The following BRPF3 variants were observed in gnomAD, a reference collection of about 807,000 sequenced individuals.
BRPF3 encodes the protein bromodomain and PHD finger-containing protein 3.
A neutral mutation model predicts 102.0 loss-of-function variants in BRPF3; 18 were observed. That is an observed-to-expected ratio of 0.18 (90% CI 0.12 to 0.26). BRPF3 has a LOEUF of 0.26. Among genes scored for constraint, BRPF3 ranks in the 10% least tolerant of loss-of-function variants. BRPF3 has a pLI of 1.00. For synonymous variants in BRPF3, 570 were observed against 614.2 expected (o/e 0.93, Z 1.06); for missense variants, 1,147 against 1,567.8 (o/e 0.73, Z 4.53).
chr6:36,218,656 A>G (rs1283241076), intron 9 of BRPF3, among the ~76,000 whole-genome samples: 1 of 151,836 alleles, frequency 6.6e-6, no homozygotes, highest in East Asian at 1.9e-4. Flanking sequence ...ATGAGGTTTC[A>G]CCATGTTGGC....
Position 36,230,259 on chromosome 6 carries a change from C to T in BRPF3, c.3435-167C>T, listed in dbSNP as rs1372166775. Among the ~76,000 whole-genome samples the T allele has an allele frequency of 2.0e-5, 3 of 152,072 alleles. No individual in the cohort carries two copies. Among genetic ancestry groups the T allele is most frequent in the South Asian group, 4.2e-4 (2 of 4,818 alleles). ...TCCTGCATATCCTGCTTGCTGTCCT[C>T]ACCTGCTAGGTTCTTGGTGGCCTCC... On this transcript the variant is annotated intron_variant, in intron 12 of 12. Transcript: ENST00000357641. The surrounding 1 kb of genome is among the most constrained non-coding windows in gnomAD (Gnocchi z 5.4).
rs1454701556 is a variant in BRPF3, at chr6:36,201,063, A to G, written c.741A>G (p.Pro247=). The change falls in exon 2 of 13, where the codon CCA becomes CCG. Residue 247 remains proline (P), a synonymous_variant. Transcript: ENST00000357641. The surrounding 1 kb of genome is among the most constrained non-coding windows in gnomAD (Gnocchi z 5.1). ...TACACCAGGAGTGCTATGGCGTCCC[A>G]TACATCCCTGAGGGCCAGTGGCTAT... ...LAVHQECYGV[P]YIPEGQWLCR... 9.9e-6 allele frequency: 16 copies of G among 1,613,948 alleles called. No individual in the cohort carries two copies. Among genetic ancestry groups the G allele is most frequent in the Admixed American group, 1.7e-5 (1 of 59,996 alleles).
chr6:36,206,118 C>T (rs988905754), intron 3 of BRPF3, among the ~76,000 whole-genome samples: 2 of 152,234 alleles, frequency 1.3e-5, no homozygotes, highest in African/African-American at 4.8e-5. Flanking sequence ...CCTGCTCATC[C>T]ATGCCCTCTT....
At chr6:36,216,626 G>A (rs1768337926) in intron 8 of BRPF3, among the ~76,000 whole-genome samples, 1 of 152,212 alleles carries the variant, frequency 6.6e-6, no homozygotes, top group Admixed American at 6.5e-5. Flanking sequence ...GGAGGGACTT[G>A]CCTCACAGTT....
Position 36,210,672 on chromosome 6 carries a change from C to T in BRPF3, c.2179+144C>T, listed in dbSNP as rs779278956. 3.4e-5 allele frequency: 24 copies of T among 716,112 alleles called. No individual in the cohort carries two copies. The highest frequency in any genetic ancestry group is 5.0e-5 in the Non-Finnish European group (22 of 440,668). 44.4% of individuals were successfully genotyped at this position (716,112 alleles called of 1,614,324 possible). On this transcript the variant is annotated intron_variant, in intron 6 of 12. Transcript: ENST00000357641. The surrounding 1 kb of genome is among the most constrained non-coding windows in gnomAD (Gnocchi z 4.7). ...GAGGGTGAGCACAGACTGAGGTATA[C>T]CTTTGTGGCTAGAATAGTTCTAAGG...
chr6:36,218,658 C>T (rs1362264582), intron 9 of BRPF3, among the ~76,000 whole-genome samples: 2 of 152,052 alleles, frequency 1.3e-5, no homozygotes, highest in African/African-American at 2.4e-5. Context: ...GAGGTTTCAC[C>T]ATGTTGGCCA....
intron 3 of BRPF3, 77 bp downstream of exon 3, chr6:36,204,891 T>A: frequency 6.5e-7 from 1 of 1,549,352 alleles, no homozygotes; most frequent in Non-Finnish European, 8.8e-7. Context: ...GGGGTGGGGC[T>A]GGCACCCCTT....
At position 36,200,369 on chromosome 6, in the gene BRPF3, G is replaced by T; in HGVS notation, c.47G>T (p.Arg16Leu). The change falls in exon 2 of 13, where the codon CGT becomes CTT. Residue 16 changes from arginine to leucine, a missense_variant. Physicochemically the swap from Arg to Leu is moderately radical, Grantham distance 102 (BLOSUM62 -2). Transcript: ENST00000357641. This position sits in a 1 kb window ranked among gnomAD's most constrained non-coding sequence, Gnocchi z 5.3. ...RKSRQNAEGRRSPSPYSLKCS... is the reference protein window; with the variant it reads ...RKSRQNAEGRLSPSPYSLKCS... ...TCCCGGCAGAATGCCGAGGGCCGGC[G>T]TTCCCCGTCCCCCTACAGTCTCAAG... 1 of 1,614,186 alleles carries T rather than the reference G, an allele frequency of 6.2e-7. No homozygotes were observed. The highest frequency in any genetic ancestry group is 8.5e-7 in the Non-Finnish European group (1 of 1,180,016).
chr6:36,227,714 CT>C (rs1418024420), intron 11 of BRPF3, among the ~76,000 whole-genome samples: 3 of 152,282 alleles, frequency 2.0e-5, no homozygotes, highest in African/African-American at 7.2e-5. Flanking sequence ...CCTTAAGACC[CT>C]TTACTTCAAT....
Position 36,214,363 on chromosome 6 carries a change from C to G in BRPF3, c.2966C>G (p.Ser989Cys). 6.3e-7 allele frequency: 1 copy of G among 1,592,578 alleles called. No individual in the cohort carries two copies. Residue 989 changes from serine (S) to cysteine (C), a missense_variant, in exon 8 of 13, where the codon TCC (serine) becomes TGC (cysteine). Coordinates refer to ENST00000357641, the MANE Select transcript of BRPF3 (RefSeq NM_015695.3). The stretch of plus-strand genomic sequence containing the variant: ...TGTAGTGAGAGCGAAGGGGAGAGGT[C>G]CCCCCAGCAGGAGGAAGAGACAGGT... Reference protein sequence around the residue: ...RSCSESEGERSPQQEEETGMT... With the variant: ...RSCSESEGERCPQQEEETGMT...
intron 4 of BRPF3, among the ~76,000 whole-genome samples, chr6:36,207,988 C>G (rs1200371010): frequency 6.6e-6 from 1 of 152,198 alleles, no homozygotes; most frequent in African/African-American, 2.4e-5. Flanking sequence ...GAAATCCTGC[C>G]TCTTCTACAG....
chr6:36,202,448 G>T (rs943891175), intron 2 of BRPF3, among the ~76,000 whole-genome samples: 4 of 134,180 alleles, frequency 3.0e-5, no homozygotes, highest in African/African-American at 1.1e-4. Context: ...AGTCTGTAGA[G>T]AGCCCATGGT....
At position 36,211,476 on chromosome 6, in the gene BRPF3, G is replaced by A; in HGVS notation, c.2398G>A (p.Gly800Arg). The change falls in exon 7 of 13, where the codon GGG (glycine) becomes AGG (arginine). Residue 800 changes from glycine (G) to arginine (R), a missense_variant. Around this residue, in one of 11 missense-constraint regions of BRPF3, gnomAD observed 379 missense variants for 426.3 expected, o/e 0.89. Transcript: ENST00000357641. ...PPSLNKTVSN[G>R]ELPAGPQGDA... is the part of the protein sequence containing the mutation. ...ATCACTCAACAAGACAGTATCCAAT[G>A]GGGAGCTGCCAGCAGGGCCCCAGGG... 2.5e-6 allele frequency: 4 copies of A among 1,592,848 alleles called. No individual in the cohort carries two copies. The highest frequency in any genetic ancestry group is 1.7e-4 in the Middle Eastern group (1 of 6,046).
intron 8 of BRPF3, 21 bp from the exon 9 acceptor site, chr6:36,217,896 C>T (rs1389519209): frequency 1.9e-6 from 3 of 1,609,640 alleles, no homozygotes; most frequent in Admixed American, 1.7e-5. Context: ...CACTCAGACT[C>T]ACTGTGTGTG....
At chr6:36,205,752 C>T (rs933248130) in intron 3 of BRPF3, among the ~76,000 whole-genome samples, 3 of 152,198 alleles carry the variant, frequency 2.0e-5, no homozygotes, top group Admixed American at 1.3e-4. Context: ...GCTCTGCTAT[C>T]TGCTCGTTTG....
chr6:36,203,723 A>G (rs1468334624), intron 2 of BRPF3, among the ~76,000 whole-genome samples: 1 of 152,208 alleles, frequency 6.6e-6, no homozygotes, highest in East Asian at 1.9e-4. Context: ...AAAGGAGAGG[A>G]AACACCACAA....
At position 36,231,109 on chromosome 6, in the gene BRPF3, C is replaced by T. The variant is rs533556677; in HGVS notation, c.*500C>T. On this transcript the variant is annotated 3_prime_UTR_variant, in exon 13 of 13. Transcript: ENST00000357641. ...TTCTCACACCTCTTCTCGGTCCCAT[C>T]TTCTGCACCCATTGCCCAGTCTTGC... The T allele has an allele frequency of 6.5e-6, 1 of 154,832 alleles. No homozygotes were observed. The highest frequency in any genetic ancestry group is 1.9e-4 in the East Asian group (1 of 5,244). 9.6% of individuals were successfully genotyped at this position (154,832 alleles called of 1,614,324 possible). A position where few individuals can be genotyped will look rare whatever the true frequency, so the allele number is the denominator to read the frequency against.
In BRPF3 at chr6:36,230,320, G is replaced by C; in HGVS notation, c.3435-106G>C. On this transcript the variant is annotated intron_variant, in intron 12 of 12. Transcript: ENST00000357641. This position sits in a 1 kb window ranked among gnomAD's most constrained non-coding sequence, Gnocchi z 5.4. ...CCCCCAATTTGCTTCCCTCTGCCCT[G>C]TACCCTCTCCCTGGCTTTGCTGGTC... 8.5e-7 allele frequency: 1 copy of C among 1,179,028 alleles called. No homozygotes were observed. Among genetic ancestry groups the C allele is most frequent in the Non-Finnish European group, 1.2e-6 (1 of 816,110 alleles). The allele number at this position is 1,179,028 out of a possible 1,614,324, so 73.0% of individuals were successfully genotyped here.
intron 4 of BRPF3, among the ~76,000 whole-genome samples, chr6:36,207,665 A>C (rs1767953377): frequency 6.6e-6 from 1 of 152,188 alleles, no homozygotes; most frequent in African/African-American, 2.4e-5. Flanking sequence ...CTCAAGCATA[A>C]GCTTAATATC....
Sources: allele counts gnomAD v4.1 joint callset (sites outside exome capture counted in the v4.1 genomes callset), GRCh38; gene constraint gnomAD v4.1.1; regional missense constraint gnomAD v4.1.1; non-coding constraint Gnocchi (gnomAD v3.1); transcripts MANE v1.5; gene names NCBI Gene and HGNC (gene_info 2026-07-23, HGNC 2026-07-21).